AHNAK: variants seen among roughly 807,000 people sequenced by gnomAD.
The protein encoded by AHNAK is neuroblast differentiation-associated protein AHNAK.
A neutral mutation model predicts 37.8 loss-of-function variants in AHNAK; 23 were observed. That is an observed-to-expected ratio of 0.61 (90% CI 0.44 to 0.86). AHNAK has a LOEUF of 0.86. Among genes scored for constraint, AHNAK ranks in the 40% least tolerant of loss-of-function variants. The probability of loss-of-function intolerance (pLI) is 0.00; values close to 1 mark genes in which losing one functional copy is unlikely to be tolerated. For synonymous variants in AHNAK, 2,481 were observed against 2,636.3 expected, an observed-to-expected ratio of 0.94 and a Z score of 1.80; for missense variants, 7,411 against 7,319.4, an observed-to-expected ratio of 1.01 and a Z score of -0.46.
At chr11:62,486,489 A>G (rs1246497873) in intron 5 of AHNAK, among the ~76,000 whole-genome samples, 1 of 148,494 alleles carries the variant, frequency 6.7e-6, no homozygotes, top group Non-Finnish European at 1.5e-5. Context: ...CTCAAAAAAA[A>G]GAAAGAAAAG....
At chr11:62,486,199 G>A (rs1297468535) in intron 5 of AHNAK, among the ~76,000 whole-genome samples, 2 of 152,100 alleles carry the variant, frequency 1.3e-5, no homozygotes, top group Non-Finnish European at 1.5e-5. Flanking sequence ...TAGCAGCCAG[G>A]CATGGTGGCT....
chr11:62,493,631 G>A (rs1245823726), intron 4 of AHNAK, among the ~76,000 whole-genome samples: 1 of 149,128 alleles, frequency 6.7e-6, no homozygotes, highest in Non-Finnish European at 1.5e-5. Flanking sequence ...ACCGTGCCCA[G>A]CCTTTTTTTT....
chr11:62,457,211 G>A (rs1938675696), intron 5 of AHNAK, among the ~76,000 whole-genome samples: 1 of 152,098 alleles, frequency 6.6e-6, no homozygotes, highest in African/African-American at 2.4e-5. Context: ...ACTTTGGGAG[G>A]CTGAGGCAGG....
At chr11:62,468,710 G>A (rs1295671943) in intron 5 of AHNAK, among the ~76,000 whole-genome samples, 1 of 152,168 alleles carries the variant, frequency 6.6e-6, no homozygotes, top group Non-Finnish European at 1.5e-5. Flanking sequence ...AACTTCCCAT[G>A]CTGATCAGTA....
chr11:62,448,945 G>A (rs1287271006), intron 5 of AHNAK, among the ~76,000 whole-genome samples: 4 of 152,242 alleles, frequency 2.6e-5, no homozygotes, highest in African/African-American at 9.6e-5. Context: ...GTGGGCACAT[G>A]TAGTCTCAGC....
In AHNAK at chr11:62,523,407, C is replaced by A; in HGVS notation, c.11010G>T (p.Lys3670Asn). The A allele has an allele frequency of 1.2e-6, 2 of 1,613,162 alleles. No homozygotes were observed. Among genetic ancestry groups the A allele is most frequent in the Non-Finnish European group, 8.5e-7 (1 of 1,179,716 alleles). Residue 3670 changes from lysine to asparagine, a missense_variant, in exon 5 of 5, where the codon AAG becomes AAT. Transcript: ENST00000378024. ...TCAGGTCAAAGTCAGGCATGGAGAT[C>A]TTGGGGGCTTTGATGTTCATCTCAG... The part of the protein sequence containing the change: ...KMPEMNIKAP[K>N]ISMPDFDLNL...
intron 5 of AHNAK, among the ~76,000 whole-genome samples, chr11:62,481,763 G>C (rs1252348847): frequency 6.6e-6 from 1 of 151,360 alleles, no homozygotes. Context: ...ATTTTTAGTA[G>C]AGACGGGGTT....
At chr11:62,433,864 G>A (rs1225616413) in exon 6 of AHNAK, 2 of 1,613,742 alleles carry the variant, frequency 1.2e-6, no homozygotes, top group Non-Finnish European at 8.5e-7. Context: ...AAGAGGGGGT[G>A]GTTTTCTTCC....
intron 2 of AHNAK, 79 bp from the exon 3 acceptor site, chr11:62,536,177 G>A (rs1261698275): frequency 1.4e-6 from 2 of 1,454,696 alleles, no homozygotes; most frequent in Non-Finnish European, 1.8e-6. Context: ...AGCAATCTCT[G>A]GCGCTGTGAA....
In AHNAK at chr11:62,485,701, C is replaced by CAA. The variant is rs1286819688; in HGVS notation, c.442+6029_442+6030dup. 4.1e-3 allele frequency among the ~76,000 whole-genome samples: 215 copies of CAA among 51,880 alleles called. 2 individuals carry two copies. The highest frequency in any genetic ancestry group is 0.011 in the African/African-American group (192 of 17,328). The allele number at this position is 51,880 out of a possible 152,430, so 34.0% of individuals were successfully genotyped here. On this transcript the variant is annotated intron_variant, in intron 5 of 5. Transcript: ENST00000257247. ...TGGGCAATACAGCAAGACTCCATCT[C>CAA]AAAAAAAAAAAAAAAAAAAAAGAAT...
chr11:62,528,965 T>C lies in AHNAK; in HGVS notation c.5452A>G (p.Lys1818Glu), dbSNP rs1035615561. Reference protein sequence around the residue: ...GDLRGPQVDVKGPFVEAEVPD... With the variant: ...GDLRGPQVDVEGPFVEAEVPD... ...ACCTCCGCTTCCACAAAAGGACCTT[T>C]GACATCAACTTGCGGCCCTCTGAGA... The change falls in exon 5 of 5, where the codon AAA becomes GAA. Residue 1818 changes from lysine to glutamate, a missense_variant. Physicochemically the swap from Lys to Glu is moderately conservative, Grantham distance 56. Coordinates refer to ENST00000378024, the MANE Select transcript of AHNAK (RefSeq NM_001620.3). The C allele has an allele frequency of 6.2e-7, 1 of 1,614,146 alleles. No homozygotes were observed. The highest frequency in any genetic ancestry group is 8.5e-7 in the Non-Finnish European group (1 of 1,180,030).
intron 5 of AHNAK, among the ~76,000 whole-genome samples, chr11:62,458,523 C>T (rs1169010785): frequency 6.6e-6 from 1 of 152,120 alleles, no homozygotes; most frequent in Non-Finnish European, 1.5e-5. Flanking sequence ...GCCAAGTCAC[C>T]CCTTATAATC....
In AHNAK at chr11:62,527,052, C is replaced by T; in HGVS notation, c.7365G>A (p.Met2455Ile). ...CTTTGAGATTTAGATCAACATCAGG[C>T]ATAGAAATATTGGGGGCTTTGAAAT... The part of the protein sequence containing the change: ...DMHFKAPNIS[M>I]PDVDLNLKGP... The change falls in exon 5 of 5, where the codon ATG becomes ATA. Residue 2455 changes from methionine (M) to isoleucine (I), a missense_variant. By Grantham distance (10) the Met-to-Ile change is conservative. Transcript: ENST00000378024. 1.9e-6 allele frequency: 3 copies of T among 1,614,118 alleles called. No homozygotes were observed. Among genetic ancestry groups the T allele is most frequent in the Non-Finnish European group, 2.5e-6 (3 of 1,180,020 alleles).
intron 5 of AHNAK, among the ~76,000 whole-genome samples, chr11:62,483,106 C>CAT (rs1352924403): frequency 2.0e-5 from 3 of 152,194 alleles, no homozygotes; most frequent in African/African-American, 7.2e-5. Flanking sequence ...ACTCCACCAG[C>CAT]ATCTGTTCCT....
chr11:62,455,304 T>C (rs542239141), intron 5 of AHNAK, among the ~76,000 whole-genome samples: 11 of 152,108 alleles, frequency 7.2e-5, no homozygotes, highest in African/African-American at 2.2e-4. Context: ...CTTAAAGGAA[T>C]TGGCCCCCTT....
chr11:62,448,430 G>A (rs2134796089), intron 5 of AHNAK, among the ~76,000 whole-genome samples: 1 of 152,358 alleles, frequency 6.6e-6, no homozygotes, highest in African/African-American at 2.4e-5. Flanking sequence ...TGCAGTGGTG[G>A]CGGTAGAGAT....
intron 5 of AHNAK, among the ~76,000 whole-genome samples, chr11:62,490,808 G>A (rs921109261): frequency 5.5e-5 from 8 of 144,904 alleles, no homozygotes; most frequent in African/African-American, 1.7e-4. Context: ...TTTTTGGGAC[G>A]GAATATCACT....
At chr11:62,536,191 C>CA in intron 2 of AHNAK, 93 bp from the exon 3 acceptor site, 2 of 1,393,278 alleles carry the variant, frequency 1.4e-6, no homozygotes, top group Non-Finnish European at 1.9e-6. Context: ...CTGTGAACTC[C>CA]AGGGAGTGGG....
At chr11:62,538,903 G>A (rs573989893) in intron 1 of AHNAK, among the ~76,000 whole-genome samples, 10 of 152,286 alleles carry the variant, frequency 6.6e-5, no homozygotes, top group African/African-American at 2.4e-4. Flanking sequence ...GGAATTCGTG[G>A]GCACTTAGCA....
Sources: allele counts gnomAD v4.1 joint callset (sites outside exome capture counted in the v4.1 genomes callset), GRCh38; gene constraint gnomAD v4.1.1; transcripts MANE v1.5; gene names NCBI Gene and HGNC (gene_info 2026-07-23, HGNC 2026-07-21).